APBA2: variants seen among roughly 807,000 people sequenced by gnomAD.
APBA2 encodes the protein amyloid beta precursor protein binding family A member 2.
APBA2 carries 30 observed loss-of-function variants against 75.0 expected under a neutral mutation model. The ratio of observed to expected loss-of-function variants is 0.40; its 90% CI spans 0.30 to 0.54. APBA2 has a LOEUF of 0.54. Ranked by LOEUF, APBA2 falls within the 20% of genes least tolerant of loss-of-function variation. The probability of loss-of-function intolerance (pLI) is 0.49; values close to 1 mark genes in which losing one functional copy is unlikely to be tolerated. For missense variants in APBA2, 801 were observed against 1,016.1 expected (o/e 0.79, Z 2.88); for synonymous variants, 444 against 409.6 (o/e 1.08, Z -1.01).
chr15:29,101,810 C>A (rs1338774084), intron 10 of APBA2, 26 bp downstream of exon 10: 1 of 1,606,720 alleles, frequency 6.2e-7, no homozygotes, highest in Non-Finnish European at 8.5e-7. Context: ...CCAGGGCACT[C>A]CCCTCCCAAA....
intron 3 of APBA2, among the ~76,000 whole-genome samples, chr15:29,047,602 G>A (rs572160118): frequency 5.9e-5 from 9 of 152,302 alleles, no homozygotes; most frequent in Admixed American, 3.9e-4. Context: ...CCATCGTAAA[G>A]TGAAAGCATT....
intron 2 of APBA2, among the ~76,000 whole-genome samples, chr15:28,932,081 G>A (rs1033011617): frequency 1.3e-5 from 2 of 152,142 alleles, no homozygotes; most frequent in Non-Finnish European, 2.9e-5. Flanking sequence ...TGCCTAGACC[G>A]ACCTGGTGTC....
In APBA2 at chr15:29,103,366, C is replaced by G. The variant is rs202231034; in HGVS notation, c.1524+1582C>G. Among the ~76,000 whole-genome samples the G allele has an allele frequency of 3.8e-4, 58 of 152,352 alleles. 1 individual carries two copies. The East Asian group carries it at 9.5e-3, about 25-fold the overall frequency. Reference sequence around the variant, plus strand: ...CTGCCCACAGCCCACTTGCAGGAGGCCGCTTGAGCCCTGAGGTGGGGCCTG... The same window carrying G: ...CTGCCCACAGCCCACTTGCAGGAGGGCGCTTGAGCCCTGAGGTGGGGCCTG... On this transcript the variant is annotated intron_variant, in intron 10 of 14. Transcript: ENST00000683413.
rs1350187052 is a variant in APBA2 at position 29,065,951 on chromosome 15, G to A, written c.952-8970G>A. On this transcript the variant is annotated intron_variant, in intron 4 of 14. Coordinates refer to ENST00000683413, the MANE Select transcript of APBA2 (RefSeq NM_001353788.2). Reference sequence around the variant, plus strand: ...CGAGGTGGACTTCAGGTAGGGAGACGCTGCTCCCCAAGAGCTGCTCGGGTG... The same window carrying A: ...CGAGGTGGACTTCAGGTAGGGAGACACTGCTCCCCAAGAGCTGCTCGGGTG... 6.6e-5 allele frequency among the ~76,000 whole-genome samples: 10 copies of A among 152,278 alleles called. No individual in the cohort carries two copies. The East Asian group carries it at 1.5e-3, about 24-fold the overall frequency.
At chr15:28,900,811 A>T (rs955701011) in intron 1 of APBA2, among the ~76,000 whole-genome samples, 2 of 152,136 alleles carry the variant, frequency 1.3e-5, no homozygotes, top group Admixed American at 6.5e-5. Context: ...TGCCTGGCAG[A>T]GAGGCAGGCA....
intron 10 of APBA2, among the ~76,000 whole-genome samples, chr15:29,103,580 A>G (rs1042508095): frequency 2.6e-5 from 4 of 152,214 alleles, no homozygotes; most frequent in African/African-American, 9.6e-5. Flanking sequence ...CCAGCGGCCC[A>G]GATGACACCG....
chr15:29,060,305 A>C lies in APBA2; in HGVS notation c.951+5470A>C, dbSNP rs1033184109. On this transcript the variant is annotated intron_variant, in intron 4 of 14. Transcript: ENST00000683413. ...ATCCTAGAGCAACCCAGAGAGAGGG[A>C]GCTAGGGTTAGTCCCGTGTTGCAGA... Among the ~76,000 whole-genome samples the C allele has an allele frequency of 7.2e-5, 11 of 152,118 alleles. 1 individual carries two copies. Among genetic ancestry groups the C allele is most frequent in the Admixed American group, 2.0e-4 (3 of 15,264 alleles).
chr15:28,891,779 G>A lies in APBA2; in HGVS notation c.-205+5501G>A, dbSNP rs796786596. Among the ~76,000 whole-genome samples the A allele has an allele frequency of 4.4e-4, 67 of 152,264 alleles. 1 individual carries two copies. Among genetic ancestry groups the A allele is most frequent in the African/African-American group, 1.5e-3 (64 of 41,544 alleles). On this transcript the variant is annotated intron_variant, in intron 1 of 14. Transcript: ENST00000683413. ...ACACTATTGACATTTGGCATTTTCA[G>A]TTGAGATATATGTGTACAGTCATGC...
intron 2 of APBA2, among the ~76,000 whole-genome samples, chr15:28,992,974 CA>C (rs2038313566): frequency 6.6e-6 from 1 of 152,206 alleles, no homozygotes; most frequent in Admixed American, 6.5e-5. Context: ...TGTCTGATCA[CA>C]AACAGCCGAG....
At chr15:29,040,577 C>T (rs2040983881) in intron 3 of APBA2, among the ~76,000 whole-genome samples, 2 of 152,200 alleles carry the variant, frequency 1.3e-5, no homozygotes, top group Admixed American at 6.5e-5. Flanking sequence ...TCACAGAGCA[C>T]AGCAAAGGGT....
chr15:28,990,590 C>G (rs1334255399), intron 2 of APBA2: 3 of 152,172 alleles, frequency 2.0e-5, no homozygotes, highest in African/African-American at 7.2e-5. Flanking sequence ...ATCTGTGAGT[C>G]TGGAAACAGG....
chr15:29,032,922 C>T (rs1791109927), intron 3 of APBA2, among the ~76,000 whole-genome samples: 1 of 152,220 alleles, frequency 6.6e-6, no homozygotes, highest in African/African-American at 2.4e-5. Flanking sequence ...GACAGACACA[C>T]TGATTGGCCA....
intron 8 of APBA2, among the ~76,000 whole-genome samples, chr15:29,098,266 A>G (rs2043946848): frequency 6.6e-6 from 1 of 152,154 alleles, no homozygotes; most frequent in Non-Finnish European, 1.5e-5. Context: ...ACACCCTCCC[A>G]CAGTGTACCA....
intron 1 of APBA2, among the ~76,000 whole-genome samples, chr15:28,911,233 C>CA (rs1179430504): frequency 3.9e-5 from 6 of 152,070 alleles, no homozygotes; most frequent in Non-Finnish European, 7.4e-5. Context: ...GAGCCTGTGG[C>CA]AGAACAGTTT....
intron 2 of APBA2, among the ~76,000 whole-genome samples, chr15:28,945,334 T>G (rs1353395101): frequency 6.6e-6 from 1 of 152,136 alleles, no homozygotes; most frequent in Non-Finnish European, 1.5e-5. Flanking sequence ...ATCACATTGA[T>G]TCTCGCAGCT....
intron 2 of APBA2, among the ~76,000 whole-genome samples, chr15:28,923,198 C>A (rs914984841): frequency 4.0e-4 from 61 of 152,290 alleles, no homozygotes; most frequent in Admixed American, 7.8e-4. Context: ...AAATAGCAGA[C>A]CCCTGGCCTC....
chr15:28,965,254 T>C (rs2036681236), intron 2 of APBA2, among the ~76,000 whole-genome samples: 3 of 152,214 alleles, frequency 2.0e-5, no homozygotes, highest in African/African-American at 7.2e-5. Flanking sequence ...GAATTACTTT[T>C]GCTCCTTGTG....
intron 1 of APBA2, among the ~76,000 whole-genome samples, chr15:28,904,212 CTGT>C (rs1477166018): frequency 1.3e-5 from 2 of 152,140 alleles, no homozygotes; most frequent in Admixed American, 1.3e-4. Context: ...GGGGGCCCTC[CTGT>C]TGTTTGCCCA....
chr15:28,967,734 G>A lies in APBA2; in HGVS notation c.-94-28019G>A, dbSNP rs114598879. Among the ~76,000 whole-genome samples, 782 of 152,168 alleles carry A rather than the reference G, an allele frequency of 5.1e-3. 5 individuals carry two copies. Among genetic ancestry groups the A allele is most frequent in the African/African-American group, 0.018 (746 of 41,486 alleles). ...ATTATAGGTGTGAGCCTCCGCGCCC[G>A]GCCCCTTTCTTTATTTTTAAAATGT... is the stretch of plus-strand genomic sequence containing the variant. On this transcript the variant is annotated intron_variant, in intron 2 of 14. Transcript: ENST00000683413.
Sources: allele counts gnomAD v4.1 joint callset (sites outside exome capture counted in the v4.1 genomes callset), GRCh38; gene constraint gnomAD v4.1.1; transcripts MANE v1.5; gene names NCBI Gene and HGNC (gene_info 2026-07-23, HGNC 2026-07-21).